MLLT10: variants seen among roughly 807,000 people sequenced by gnomAD.
MLLT10 encodes the protein MLLT10 histone lysine methyltransferase DOT1L cofactor, also known as protein AF-10.
Under a neutral mutation model 129.1 loss-of-function variants are expected in MLLT10, and 30 were observed. That is an observed-to-expected ratio of 0.23 (90% CI 0.17 to 0.32). The LOEUF is 0.32. Ranked by LOEUF, MLLT10 falls within the 10% of genes least tolerant of loss-of-function variation. The pLI, the probability that MLLT10 is intolerant of heterozygous loss-of-function variation, is 1.00. For missense variants in MLLT10, 1,119 were observed against 1,268.3 expected (o/e 0.88, Z 1.79); for synonymous variants, 490 against 446.4 (o/e 1.10, Z -1.23).
At chr10:21,551,624 C>T (rs2037047693) in intron 3 of MLLT10, among the ~76,000 whole-genome samples, 1 of 151,930 alleles carries the variant, frequency 6.6e-6, no homozygotes, top group Admixed American at 6.6e-5. Flanking sequence ...AGGAATGAAG[C>T]AGGTGCTTAA....
At chr10:21,626,522 A>T (rs528488099) in intron 8 of MLLT10, among the ~76,000 whole-genome samples, 1 of 152,152 alleles carries the variant, frequency 6.6e-6, no homozygotes, top group Admixed American at 6.5e-5. Flanking sequence ...GCATTAATAC[A>T]TTCATGAGGG....
rs1004316117 is a variant in MLLT10, at chr10:21,534,356, G to A, written c.-165G>A. On this transcript the variant is annotated 5_prime_UTR_variant, in exon 1 of 23. Coordinates refer to ENST00000307729, the MANE Select transcript of MLLT10 (RefSeq NM_001195626.3). Reference sequence around the variant, plus strand: ...TGCGGAGGCCCTCTTGATTATGTGTGCCCTCTCCGGGCGCCCGCGTTAGCG... The same window carrying A: ...TGCGGAGGCCCTCTTGATTATGTGTACCCTCTCCGGGCGCCCGCGTTAGCG... 1.3e-5 allele frequency: 5 copies of A among 375,268 alleles called. No individual in the cohort carries two copies. The East Asian group carries it at 1.4e-4, about 11-fold the overall frequency. The allele number at this position is 375,268 out of a possible 1,614,324, so 23.2% of individuals were successfully genotyped here.
intron 4 of MLLT10, among the ~76,000 whole-genome samples, 182 bp from the exon 5 acceptor site, chr10:21,595,149 C>G (rs1306641123): frequency 2.6e-5 from 4 of 151,676 alleles, no homozygotes; most frequent in Admixed American, 2.6e-4. Flanking sequence ...ATTAAGAATG[C>G]TTTTTTTTGG....
intron 17 of MLLT10, among the ~76,000 whole-genome samples, chr10:21,732,306 A>T (rs2058035833): frequency 1.3e-5 from 2 of 152,216 alleles, no homozygotes; most frequent in African/African-American, 4.8e-5. Context: ...CAGCCTGTTT[A>T]CAGGGGATGC....
chr10:21,683,696 C>G (rs1329068714), intron 13 of MLLT10, among the ~76,000 whole-genome samples: 1 of 151,886 alleles, frequency 6.6e-6, no homozygotes, highest in Non-Finnish European at 1.5e-5. Context: ...CTCTCCCCCA[C>G]TGCCCCATCC....
chr10:21,628,458 C>T (rs1308518235), intron 8 of MLLT10, among the ~76,000 whole-genome samples: 6 of 116,572 alleles, frequency 5.1e-5, no homozygotes, highest in Admixed American at 1.0e-4. Flanking sequence ...TTTTTTGAGA[C>T]GGAGTCTAGC....
At chr10:21,565,371 C>A (rs2039416452) in intron 3 of MLLT10, among the ~76,000 whole-genome samples, 1 of 151,928 alleles carries the variant, frequency 6.6e-6, no homozygotes, top group Non-Finnish European at 1.5e-5. Flanking sequence ...GCAGTGGTGT[C>A]ATCTTGGTTC....
intron 14 of MLLT10, among the ~76,000 whole-genome samples, chr10:21,718,223 T>C (rs563886488): frequency 6.6e-6 from 1 of 152,282 alleles, no homozygotes; most frequent in East Asian, 1.9e-4. Context: ...AATGGCTCTT[T>C]CACAAATAAT....
chr10:21,579,816 G>A (rs1051718569), intron 3 of MLLT10, among the ~76,000 whole-genome samples: 2 of 151,814 alleles, frequency 1.3e-5, no homozygotes, highest in Non-Finnish European at 2.9e-5. Flanking sequence ...ACCCACCTCG[G>A]CCTCCCAAAG....
intron 13 of MLLT10, among the ~76,000 whole-genome samples, chr10:21,698,552 G>C (rs1589701293): frequency 6.6e-6 from 1 of 152,158 alleles, no homozygotes; most frequent in Non-Finnish European, 1.5e-5. Context: ...GTAACCCTTT[G>C]ATATGCTCAT....
At chr10:21,670,415 T>G (rs2051274740) in intron 9 of MLLT10, 34 bp from the exon 10 acceptor site, 4 of 1,571,134 alleles carry the variant, frequency 2.5e-6, no homozygotes, top group Middle Eastern at 3.4e-4. Flanking sequence ...TGTAATCAAC[T>G]CTTTTTCCTT....
intron 3 of MLLT10, among the ~76,000 whole-genome samples, chr10:21,552,196 G>A (rs1023313884): frequency 6.6e-6 from 1 of 152,046 alleles, no homozygotes; most frequent in Non-Finnish European, 1.5e-5. Context: ...AAAGTACTGG[G>A]ACTACAGGCG....
At chr10:21,624,490 G>T (rs1010561944) in intron 8 of MLLT10, 2 of 631,046 alleles carry the variant, frequency 3.2e-6, no homozygotes, top group African/African-American at 1.9e-5. Flanking sequence ...GCAGCAAATT[G>T]CTACTTAAAG....
intron 13 of MLLT10, among the ~76,000 whole-genome samples, chr10:21,692,001 C>CAAAAAAAAA (rs929971187): frequency 4.0e-5 from 2 of 50,146 alleles, no homozygotes; most frequent in Non-Finnish European, 3.5e-5. Context: ...CTCATATCTA[C>CAAAAAAAAA]AAAAAAAAAA....
At chr10:21,702,717 T>G (rs1320995144) in intron 13 of MLLT10, among the ~76,000 whole-genome samples, 3 of 152,154 alleles carry the variant, frequency 2.0e-5, no homozygotes, top group Non-Finnish European at 4.4e-5. Flanking sequence ...AAAGTCTCTT[T>G]TATCTGATGT....
chr10:21,738,575 G>T (rs1042920596), intron 21 of MLLT10: 30 of 1,262,496 alleles, frequency 2.4e-5, no homozygotes, highest in Non-Finnish European at 3.1e-5. Flanking sequence ...GGATTTTTTG[G>T]AAGCCTCCGC....
intron 13 of MLLT10, among the ~76,000 whole-genome samples, chr10:21,692,919 T>G (rs2054012845): frequency 6.6e-6 from 1 of 152,236 alleles, no homozygotes; most frequent in Non-Finnish European, 1.5e-5. Context: ...CAAATTATGT[T>G]GATAACCACC....
intron 5 of MLLT10, among the ~76,000 whole-genome samples, chr10:21,604,150 A>G (rs2043833251): frequency 6.6e-6 from 1 of 152,210 alleles, no homozygotes; most frequent in Non-Finnish European, 1.5e-5. Flanking sequence ...GTATCCCAGT[A>G]GTCCCCAAAA....
At chr10:21,588,172 T>C (rs886741206) in intron 4 of MLLT10, among the ~76,000 whole-genome samples, 3 of 152,152 alleles carry the variant, frequency 2.0e-5, no homozygotes, top group Non-Finnish European at 4.4e-5. Context: ...GCTCAAGCGA[T>C]TCTCCTGCCT....
Sources: gnomAD v4.1 joint callset for allele counts (sites outside exome capture counted in the v4.1 genomes callset) on GRCh38, gnomAD v4.1.1 for gene constraint, MANE v1.5 for transcripts, NCBI Gene and HGNC (gene_info 2026-07-23, HGNC 2026-07-21) for gene names.